The following NBPF11 variants were observed in gnomAD, a reference collection of about 807,000 sequenced individuals.
NBPF11 encodes NBPF family member NBPF11.
Under a neutral mutation model 93.9 loss-of-function variants are expected in NBPF11, and 72 were observed. The ratio of observed to expected loss-of-function variants is 0.77; its 90% CI spans 0.63 to 0.93. The LOEUF is 0.93. Among genes scored for constraint, NBPF11 ranks in the 40% least tolerant of loss-of-function variants. The pLI is 0.00. For missense variants in NBPF11, 705 were observed against 802.2 expected, an observed-to-expected ratio of 0.88 and a Z score of 1.46; for synonymous variants, 224 against 304.9, an observed-to-expected ratio of 0.73 and a Z score of 2.76.
At position 148,102,301 on chromosome 1, in the gene NBPF11, G is replaced by C. The variant is rs1662523651; in HGVS notation, c.*1595C>G. 1 of 151,830 alleles carries C rather than the reference G, an allele frequency of 6.6e-6. No homozygotes were observed. The highest frequency in any genetic ancestry group is 2.4e-5 in the African/African-American group (1 of 41,120). 9.4% of individuals were successfully genotyped at this position (151,830 alleles called of 1,614,324 possible). ...ATTGAGACCCAAAATTTGCAGCGTA[G>C]AGATATGAATATAATAATAGACACA... On this transcript the variant is annotated 3_prime_UTR_variant, in exon 24 of 24. Transcript: ENST00000682118.
chr1:148,150,610 A>G (rs1648042692), intron 1 of NBPF11, among the ~76,000 whole-genome samples: 1 of 152,034 alleles, frequency 6.6e-6, no homozygotes, highest in Non-Finnish European at 1.5e-5. Context: ...AACAAAGATT[A>G]AAAACCACCA....
intron 3 of NBPF11, among the ~76,000 whole-genome samples, chr1:148,136,797 G>A (rs1230534797): frequency 6.6e-6 from 1 of 151,864 alleles, no homozygotes; most frequent in Non-Finnish European, 1.5e-5. Context: ...TTCACAGGTC[G>A]ACAGAGGTAA....
chr1:148,150,306 G>A (rs1213524853), intron 1 of NBPF11, among the ~76,000 whole-genome samples: 1 of 149,396 alleles, frequency 6.7e-6, no homozygotes, highest in East Asian at 2.0e-4. Context: ...ATTTTGCCAC[G>A]TTGCCCAGGC....
chr1:148,110,512 A>G lies in NBPF11; in HGVS notation c.1667T>C (p.Val556Ala). ...RNLQESEEEEVPQESWDEGYS... is the reference protein window; with the variant it reads ...RNLQESEEEEAPQESWDEGYS... ...ACCTTCATCCCAGGACTCCTGGGGG[A>G]CTTCCTCCTCTTCAGACTCCTGCAG... The change falls in exon 16 of 24, where the codon GTC becomes GCC. Residue 556 changes from valine (V) to alanine (A), a missense_variant. Physicochemically the swap from Val to Ala is moderately conservative, Grantham distance 64. This residue lies in a region of NBPF11 where 8 missense variants were observed against 26.3 expected (regional missense o/e 0.30). Transcript: ENST00000682118. 1 of 1,574,212 alleles carries G rather than the reference A, an allele frequency of 6.4e-7. No homozygotes were observed. The highest frequency in any genetic ancestry group is 1.8e-5 in the Admixed American group (1 of 57,050).
Position 148,122,809 on chromosome 1 carries a change from T to C in NBPF11, c.494-8A>G, listed in dbSNP as rs1424175595. 1.9e-5 allele frequency: 31 copies of C among 1,609,678 alleles called. 1 individual carries two copies. The highest frequency in any genetic ancestry group is 4.5e-5 in the East Asian group (2 of 44,890). On this transcript the variant is annotated splice_region_variant and splice_polypyrimidine_tract_variant and intron_variant, in intron 7 of 23. Transcript: ENST00000682118. Reference sequence around the variant, plus strand: ...CCTCATCTTCGTCATTTTCTATAAATACAAAATGTTCGTTCAGATATTTCC... The same window carrying C: ...CCTCATCTTCGTCATTTTCTATAAACACAAAATGTTCGTTCAGATATTTCC...
chr1:148,144,691 G>A (rs1354595962), intron 1 of NBPF11, among the ~76,000 whole-genome samples: 2 of 151,938 alleles, frequency 1.3e-5, no homozygotes, highest in African/African-American at 2.4e-5. Context: ...AAACTAAAAT[G>A]GCCAGATGTG....
In NBPF11 at chr1:148,126,857, G is replaced by C; in HGVS notation, c.147C>G (p.Gly49=). The C allele has an allele frequency of 6.6e-7, 1 of 1,518,172 alleles. No homozygotes were observed. The highest frequency in any genetic ancestry group is 2.3e-5 in the East Asian group (1 of 44,398). The allele number at this position is 1,518,172 out of a possible 1,614,324, so 94.0% of individuals were successfully genotyped here. The change falls in exon 5 of 24, where the codon GGC becomes GGG. Residue 49 remains glycine (G), a synonymous_variant. Transcript: ENST00000682118. ...KERCFLTQLA[G]FLANRQKKYK... is the part of the protein sequence containing the mutation. ...ATTTCTTCTGTCGGTTGGCCAGGAA[G>C]CCGGCCAGTTGAGTTAGAAAACATC...
chr1:148,141,911 T>C (rs1411912317), intron 2 of NBPF11, among the ~76,000 whole-genome samples: 4 of 150,700 alleles, frequency 2.7e-5, no homozygotes, highest in Admixed American at 2.6e-4. Flanking sequence ...GTGTGGTCTA[T>C]TTAAAATAGT....
intron 23 of NBPF11, among the ~76,000 whole-genome samples, chr1:148,104,314 G>A (rs1663009165): frequency 6.9e-6 from 1 of 145,616 alleles, no homozygotes; most frequent in African/African-American, 2.7e-5. Context: ...GGCCATGAGA[G>A]TACAGCTTTT....
rs1290054702 is a variant in NBPF11, at chr1:148,142,673, G to C, written c.-277+742C>G. ...CCCCCTCTCAATGCCTGCAGTGGTGGGTTCCGTGGGGTAGTGACCTGAGAT... is the reference window on the plus strand; with the variant it reads ...CCCCCTCTCAATGCCTGCAGTGGTGCGTTCCGTGGGGTAGTGACCTGAGAT... On this transcript the variant is annotated intron_variant, in intron 2 of 23. Transcript: ENST00000682118. Among the ~76,000 whole-genome samples, 1,103 of 152,064 alleles carry C rather than the reference G, an allele frequency of 7.3e-3. 2 individuals are homozygous for C. The highest frequency in any genetic ancestry group is 0.025 in the African/African-American group (1,031 of 41,354).
At chr1:148,142,436 G>A (rs1377710760) in intron 2 of NBPF11, among the ~76,000 whole-genome samples, 7 of 151,428 alleles carry the variant, frequency 4.6e-5, no homozygotes, top group Non-Finnish European at 1.0e-4. Context: ...ATGAGACAGT[G>A]GATCCCAGAA....
rs199505707 is a variant in NBPF11 at position 148,144,582 on chromosome 1, C to CA, written c.-548-897dup. The stretch of plus-strand genomic sequence containing the variant: ...TATTGAAAATGAGATTGAACACATA[C>CA]AAAAAAAAATAATAACAATAATGAA... On this transcript the variant is annotated intron_variant, in intron 1 of 23. Coordinates refer to ENST00000682118, the MANE Select transcript of NBPF11 (RefSeq NM_001385469.3). Among the ~76,000 whole-genome samples the CA allele has an allele frequency of 2.0e-3, 300 of 149,396 alleles. 3 individuals are homozygous for CA. Among genetic ancestry groups the CA allele is most frequent in the Middle Eastern group, 0.017 (5 of 292 alleles).
intron 1 of NBPF11, among the ~76,000 whole-genome samples, chr1:148,146,085 C>A (rs1273884945): frequency 3.9e-4 from 60 of 152,050 alleles, no homozygotes; most frequent in African/African-American, 1.1e-3. Flanking sequence ...TGCGGAGGGA[C>A]CGACGGACGC....
chr1:148,134,002 G>A (rs1280544081), intron 4 of NBPF11, among the ~76,000 whole-genome samples: 3 of 151,970 alleles, frequency 2.0e-5, no homozygotes, highest in Admixed American at 6.5e-5. Flanking sequence ...AGACAGCCAA[G>A]TCCCACGGCC....
At chr1:148,106,349 T>C (rs1454807577) in intron 20 of NBPF11, 117 bp from the exon 21 acceptor site, 6 of 733,816 alleles carry the variant, frequency 8.2e-6, no homozygotes, top group South Asian at 1.4e-5. Context: ...AACAGGACAA[T>C]GTGAGGGATA....
Position 148,108,568 on chromosome 1 carries a change from A to G in NBPF11, c.1940T>C (p.Leu647Pro), listed in dbSNP as rs1305062438. ...GGGCTGGCATGAGTCAGTCAGTCCA[A>G]GATAAACTGAAGGAGTTGAATAACA... Reference protein sequence around the residue: ...DRCYSTPSVYLGLTDSCQPYR... With the variant: ...DRCYSTPSVYPGLTDSCQPYR... Residue 647 changes from leucine to proline, a missense_variant, in exon 18 of 24, where the codon CTT becomes CCT. Leu to Pro is a moderately conservative substitution (Grantham distance 98). Transcript: ENST00000682118. 1.2e-6 allele frequency: 2 copies of G among 1,601,268 alleles called. No homozygotes were observed. Among genetic ancestry groups the G allele is most frequent in the Non-Finnish European group, 1.7e-6 (2 of 1,170,976 alleles).
In NBPF11 at chr1:148,105,460, A is replaced by G; in HGVS notation, c.2372T>C (p.Leu791Pro). 2 of 1,121,376 alleles carry G rather than the reference A, an allele frequency of 1.8e-6. No individual in the cohort carries two copies. The highest frequency in any genetic ancestry group is 2.5e-5 in the South Asian group (2 of 78,908). 69.5% of individuals were successfully genotyped at this position (1,121,376 alleles called of 1,614,324 possible). The change falls in exon 22 of 24, where the codon CTC (leucine) becomes CCC (proline). Residue 791 changes from leucine (L) to proline (P), a missense_variant. Leu to Pro is a moderately conservative substitution (Grantham distance 98). Coordinates refer to ENST00000682118, the MANE Select transcript of NBPF11 (RefSeq NM_001385469.3). ...CAGGCTGTTCAAGACAACTGGAAGGAGTTGAATAACATCCAGTGAGTCCTG... is the reference window on the plus strand; with the variant it reads ...CAGGCTGTTCAAGACAACTGGAAGGGGTTGAATAACATCCAGTGAGTCCTG... ...VLQDSLDVIQLLPVVLNSLTP... is the reference protein window; with the variant it reads ...VLQDSLDVIQPLPVVLNSLTP...
chr1:148,138,467 G>A (rs1671694481), intron 2 of NBPF11, among the ~76,000 whole-genome samples: 2 of 150,902 alleles, frequency 1.3e-5, no homozygotes, highest in Non-Finnish European at 2.9e-5. Context: ...GAGAAACCTT[G>A]GACAATACCT....
intron 4 of NBPF11, among the ~76,000 whole-genome samples, chr1:148,132,415 A>G (rs1670556173): frequency 6.7e-6 from 1 of 149,784 alleles, no homozygotes; most frequent in Non-Finnish European, 1.5e-5. Context: ...TAATTCTGGA[A>G]ATAGGTAGTG....
Sources: allele counts gnomAD v4.1 joint callset (sites outside exome capture counted in the v4.1 genomes callset), GRCh38; gene constraint gnomAD v4.1.1; regional missense constraint gnomAD v4.1.1; transcripts MANE v1.5; gene names NCBI Gene and HGNC (gene_info 2026-07-23, HGNC 2026-07-21).